EXOG: variants seen among roughly 807,000 people sequenced by gnomAD.
EXOG encodes exo/endonuclease G.
A neutral mutation model predicts 25.8 loss-of-function variants in EXOG; 27 were observed. That is an observed-to-expected ratio of 1.05 (90% CI 0.77 to 1.45). The LOEUF (loss-of-function observed/expected upper bound fraction) is 1.45, where lower values mean the gene tolerates loss of function less well. Among genes scored for constraint, EXOG ranks in the 40% most tolerant of loss-of-function variants. The probability of loss-of-function intolerance (pLI) is 0.00; values close to 1 mark genes in which losing one functional copy is unlikely to be tolerated. For synonymous variants in EXOG, 133 were observed against 167.0 expected (o/e 0.80, Z 1.57); for missense variants, 458 against 450.5 (o/e 1.02, Z -0.15).
intron 5 of EXOG, among the ~76,000 whole-genome samples, chr3:38,517,938 TTTCAA>T (rs2060599011): frequency 2.0e-5 from 3 of 152,242 alleles, no homozygotes; most frequent in Non-Finnish European, 4.4e-5. Context: ...TGGCATTATA[TTTCAA>T]GTCAAACTTT....
rs1196743207 is a variant in EXOG at position 38,496,511 on chromosome 3, G to C, written c.144G>C (p.Leu48Phe). 4.3e-6 allele frequency: 7 copies of C among 1,612,634 alleles called. No individual in the cohort carries two copies. Among genetic ancestry groups the C allele is most frequent in the Non-Finnish European group, 5.9e-6 (7 of 1,179,834 alleles). Residue 48 changes from leucine (L) to phenylalanine (F), a missense_variant, in exon 1 of 6, where the codon TTG (leucine) becomes TTC (phenylalanine). Coordinates refer to ENST00000287675, the MANE Select transcript of EXOG (RefSeq NM_005107.4). Reference protein sequence around the residue: ...FFRSQGAEGALTGKQPDGSAE... With the variant: ...FFRSQGAEGAFTGKQPDGSAE... Reference sequence around the variant, plus strand: ...GGAGTCAGGGCGCTGAGGGAGCGTTGACAGGGAAGCAGCCGGATGGTAAGT... The same window carrying C: ...GGAGTCAGGGCGCTGAGGGAGCGTTCACAGGGAAGCAGCCGGATGGTAAGT...
At chr3:38,509,634 A>G (rs62241772) in intron 5 of EXOG, among the ~76,000 whole-genome samples, 17,906 of 152,182 alleles carry the variant, frequency 0.12, 1,284 homozygotes, top group Non-Finnish European at 0.16. Flanking sequence ...ACAAAATGGA[A>G]CATCATATAT....
rs1260911282 is a variant in EXOG, at chr3:38,525,051, C to T, written c.*689C>T. 11 of 985,076 alleles carry T rather than the reference C, an allele frequency of 1.1e-5. No homozygotes were observed. Among genetic ancestry groups the T allele is most frequent in the South Asian group, 4.7e-5 (1 of 21,282 alleles). The allele number at this position is 985,076 out of a possible 1,614,324, so 61.0% of individuals were successfully genotyped here. A position where few individuals can be genotyped will look rare whatever the true frequency, so the allele number is the denominator to read the frequency against. ...TTTTTTCTCCTCTCATGAATCTGCT[C>T]GTTTCTCTACTTCTGTCTACGTAGA... On this transcript the variant is annotated 3_prime_UTR_variant, in exon 6 of 6. Transcript: ENST00000287675.
Position 38,519,551 on chromosome 3 carries a change from AT to A in EXOG, c.646-4341del, listed in dbSNP as rs76600858. 1.4e-3 allele frequency among the ~76,000 whole-genome samples: 215 copies of A among 151,696 alleles called. 4 individuals carry two copies. In the East Asian group the frequency reaches 0.038, roughly 27 times the overall value. On this transcript the variant is annotated intron_variant, in intron 5 of 5. Transcript: ENST00000287675. ...TCATTTGAAGTGATATGGGAGTAATATTTTTTTTTAAGTCTCTTGCTTTATA... is the reference window on the plus strand; with the variant it reads ...TCATTTGAAGTGATATGGGAGTAATATTTTTTTTAAGTCTCTTGCTTTATA...
intron 5 of EXOG, among the ~76,000 whole-genome samples, chr3:38,518,920 C>G (rs916731750): frequency 3.3e-5 from 5 of 152,106 alleles, no homozygotes; most frequent in Admixed American, 6.6e-5. Context: ...CTGACAATTG[C>G]CAGTCATTCA....
chr3:38,522,804 C>T (rs2060761234), intron 5 of EXOG, among the ~76,000 whole-genome samples: 1 of 152,148 alleles, frequency 6.6e-6, no homozygotes, highest in Admixed American at 6.6e-5. Context: ...ACACCTGGCC[C>T]AGATGCCAAT....
At chr3:38,497,128 C>T (rs2059915414) in intron 1 of EXOG, 1 of 1,000,492 alleles carries the variant, frequency 1.0e-6, no homozygotes, top group African/African-American at 1.8e-5. Context: ...TGCGGATGTG[C>T]TAATTTAACT....
intron 5 of EXOG, among the ~76,000 whole-genome samples, chr3:38,509,086 G>T (rs1332227330): frequency 6.6e-6 from 1 of 151,902 alleles, no homozygotes; most frequent in Non-Finnish European, 1.5e-5. Context: ...TATAGTCTTA[G>T]GAGAAAAAAA....
At chr3:38,505,929 G>A (rs908967424) in intron 4 of EXOG, among the ~76,000 whole-genome samples, 10 of 150,926 alleles carry the variant, frequency 6.6e-5, no homozygotes, top group African/African-American at 2.2e-4. Flanking sequence ...CTGGGTGACA[G>A]AGTGAGTGAG....
intron 3 of EXOG, among the ~76,000 whole-genome samples, chr3:38,502,595 G>C (rs1225932516): frequency 6.6e-6 from 1 of 152,020 alleles, no homozygotes; most frequent in Non-Finnish European, 1.5e-5. Flanking sequence ...ATATATATGA[G>C]TATATATAAA....
Position 38,526,093 on chromosome 3 carries a change from A to G in EXOG, c.*1731A>G. 2.0e-6 allele frequency: 2 copies of G among 985,480 alleles called. No individual in the cohort carries two copies. Among genetic ancestry groups the G allele is most frequent in the Non-Finnish European group, 2.4e-6 (2 of 829,960 alleles). 61.0% of individuals were successfully genotyped at this position (985,480 alleles called of 1,614,324 possible). Reference sequence around the variant, plus strand: ...AGGGGAAATTGTGGCTGTTTTTCTGAGCCAGATCTCTTGATTTGGGTTTAC... The same window carrying G: ...AGGGGAAATTGTGGCTGTTTTTCTGGGCCAGATCTCTTGATTTGGGTTTAC... On this transcript the variant is annotated 3_prime_UTR_variant, in exon 6 of 6. Coordinates refer to ENST00000287675, the MANE Select transcript of EXOG (RefSeq NM_005107.4).
intron 5 of EXOG, among the ~76,000 whole-genome samples, chr3:38,523,596 G>A (rs2060789676): frequency 6.6e-6 from 1 of 152,028 alleles, no homozygotes; most frequent in African/African-American, 2.4e-5. Context: ...TTGAACTCCT[G>A]ACCTCAAGTG....
intron 5 of EXOG, among the ~76,000 whole-genome samples, chr3:38,508,720 C>CCCG (rs1553684629): frequency 6.7e-6 from 1 of 149,360 alleles, no homozygotes; most frequent in Non-Finnish European, 1.5e-5. Flanking sequence ...CACCCCCCCC[C>CCCG]CAAAAAAAAA....
chr3:38,520,347 A>G (rs112409697), intron 5 of EXOG, among the ~76,000 whole-genome samples: 5,227 of 152,170 alleles, frequency 0.034, 140 homozygotes, highest in Non-Finnish European at 0.057. Context: ...TTGACTTCCA[A>G]TTTTTGCTAC....
chr3:38,515,021 C>T (rs1030792543), intron 5 of EXOG, among the ~76,000 whole-genome samples: 14 of 152,178 alleles, frequency 9.2e-5, no homozygotes, highest in South Asian at 6.2e-4. Context: ...ATCCGCCTGC[C>T]TTAGCCTCCC....
rs559155152 is a variant in EXOG at position 38,503,987 on chromosome 3, G to C, written c.530+296G>C. ...TAATAATTGAGGCAGCATCTTTTTT[G>C]AGTGTGTTCAGTGAACACTATTATT... On this transcript the variant is annotated intron_variant, in intron 4 of 5. Transcript: ENST00000287675. Among the ~76,000 whole-genome samples the C allele has an allele frequency of 1.4e-3, 206 of 152,250 alleles. 1 individual carries two copies. The highest frequency in any genetic ancestry group is 4.8e-3 in the African/African-American group (200 of 41,560).
At chr3:38,514,731 A>T (rs2060478109) in intron 5 of EXOG, among the ~76,000 whole-genome samples, 1 of 150,326 alleles carries the variant, frequency 6.7e-6, no homozygotes, top group African/African-American at 2.5e-5. Flanking sequence ...TTTCCCCTTA[A>T]ATATTATCTT....
At position 38,526,196 on chromosome 3, in the gene EXOG, T is replaced by C; in HGVS notation, c.*1834T>C. Reference sequence around the variant, plus strand: ...CATAAGAACTTGTCTGAATCTGTCATACATACCACTGCTGTCTTTTCCGAG... The same window carrying C: ...CATAAGAACTTGTCTGAATCTGTCACACATACCACTGCTGTCTTTTCCGAG... On this transcript the variant is annotated 3_prime_UTR_variant, in exon 6 of 6. Transcript: ENST00000287675. 1 of 985,064 alleles carries C rather than the reference T, an allele frequency of 1.0e-6. No homozygotes were observed. Among genetic ancestry groups the C allele is most frequent in the Non-Finnish European group, 1.2e-6 (1 of 829,592 alleles). 61.0% of individuals were successfully genotyped at this position (985,064 alleles called of 1,614,324 possible).
chr3:38,510,110 G>C (rs1219756116), intron 5 of EXOG, among the ~76,000 whole-genome samples: 1 of 152,162 alleles, frequency 6.6e-6, no homozygotes, highest in African/African-American at 2.4e-5. Flanking sequence ...GGGACTTAGT[G>C]AAACGCTGTA....
Sources: allele counts gnomAD v4.1 joint callset (sites outside exome capture counted in the v4.1 genomes callset), GRCh38; gene constraint gnomAD v4.1.1; transcripts MANE v1.5; gene names NCBI Gene and HGNC (gene_info 2026-07-23, HGNC 2026-07-21).